MGAT4C: variants seen among roughly 807,000 people sequenced by gnomAD.
MGAT4C encodes the protein alpha-1,3-mannosyl-glycoprotein 4-beta-N-acetylglucosaminyltransferase C.
In MGAT4C, 19 loss-of-function variants were observed where a neutral mutation model predicts 40.1. The ratio of observed to expected loss-of-function variants is 0.47; its 90% CI spans 0.33 to 0.70. The LOEUF (loss-of-function observed/expected upper bound fraction) is 0.70, where lower values mean the gene tolerates loss of function less well. MGAT4C is among the 30% of genes least tolerant of loss of function. The pLI, the probability that MGAT4C is intolerant of heterozygous loss-of-function variation, is 0.02. For synonymous variants in MGAT4C, 181 were observed against 187.1 expected, an observed-to-expected ratio of 0.97 and a Z score of 0.27; for missense variants, 491 against 563.2, an observed-to-expected ratio of 0.87 and a Z score of 1.30.
intron 1 of MGAT4C, among the ~76,000 whole-genome samples, chr12:86,216,715 CTAACCTGAA>C (rs894962822): frequency 6.6e-6 from 1 of 152,132 alleles, no homozygotes; most frequent in Non-Finnish European, 1.5e-5. Flanking sequence ...GTTAGAAAAA[CTAACCTGAA>C]TACTTTTCAA....
chr12:86,589,240 A>C (rs1245122246), intron 2 of MGAT4C, among the ~76,000 whole-genome samples: 3 of 152,102 alleles, frequency 2.0e-5, no homozygotes, highest in Non-Finnish European at 4.4e-5. Flanking sequence ...AATCCCACAG[A>C]AATACAAACT....
At chr12:85,989,760 G>A (rs574439563) in intron 2 of MGAT4C, among the ~76,000 whole-genome samples, 58 of 152,038 alleles carry the variant, frequency 3.8e-4, no homozygotes, top group Non-Finnish European at 4.4e-4. Context: ...TTAATGTAGA[G>A]TAAATAAAAA....
intron 2 of MGAT4C, among the ~76,000 whole-genome samples, chr12:86,678,580 TC>T (rs1244435420): frequency 1.9e-5 from 1 of 52,394 alleles, no homozygotes; most frequent in African/African-American, 7.8e-5. Flanking sequence ...CCCTCCCCCC[TC>T]CCCCCACCAC....
At chr12:86,042,542 A>G (rs1415121523) in intron 2 of MGAT4C, among the ~76,000 whole-genome samples, 2 of 152,128 alleles carry the variant, frequency 1.3e-5, no homozygotes, top group East Asian at 3.9e-4. Flanking sequence ...GTCTGAAAAG[A>G]ATCTTACATG....
chr12:86,625,324 A>C (rs1307083680), intron 2 of MGAT4C, among the ~76,000 whole-genome samples: 1 of 152,188 alleles, frequency 6.6e-6, no homozygotes, highest in African/African-American at 2.4e-5. Flanking sequence ...TTTTTATTGC[A>C]GTGTGACAAT....
intron 2 of MGAT4C, among the ~76,000 whole-genome samples, chr12:86,599,973 T>C (rs1198404269): frequency 2.0e-5 from 3 of 151,986 alleles, no homozygotes; most frequent in African/African-American, 7.3e-5. Flanking sequence ...GGGAAGGATA[T>C]TGAAAATAAA....
chr12:86,538,966 T>G (rs1592965119), intron 2 of MGAT4C, among the ~76,000 whole-genome samples: 1 of 152,072 alleles, frequency 6.6e-6, no homozygotes, highest in Non-Finnish European at 1.5e-5. Context: ...CTACTGCATA[T>G]GCATAATTTA....
At chr12:86,002,790 ATTAC>A (rs1449717292) in intron 2 of MGAT4C, among the ~76,000 whole-genome samples, 4 of 151,468 alleles carry the variant, frequency 2.6e-5, no homozygotes, top group African/African-American at 9.7e-5. Flanking sequence ...GTATTATCAA[ATTAC>A]TTAGTACTTT....
rs984525032 is a variant in MGAT4C at position 86,553,364 on chromosome 12, C to T, written c.-228-118099G>A. 2.0e-5 allele frequency among the ~76,000 whole-genome samples: 3 copies of T among 152,002 alleles called. No individual in the cohort carries two copies. In the South Asian group the frequency reaches 6.2e-4, roughly 31 times the overall value. On this transcript the variant is annotated intron_variant, in intron 2 of 7. Coordinates refer to the MGAT4C transcript ENST00000548651. ...TTAACTTTAAATATTTAAACTCACACCTACTCTAAATTCTAAGCAAAAGAA... is the reference window on the plus strand; with the variant it reads ...TTAACTTTAAATATTTAAACTCACATCTACTCTAAATTCTAAGCAAAAGAA...
chr12:86,248,100 T>C (rs976736116), intron 1 of MGAT4C, among the ~76,000 whole-genome samples: 7 of 152,172 alleles, frequency 4.6e-5, no homozygotes, highest in Non-Finnish European at 1.0e-4. Flanking sequence ...TTCCTAAGGC[T>C]TCTTGATAAC....
At chr12:86,329,205 G>T (rs1156306418) in intron 4 of MGAT4C, among the ~76,000 whole-genome samples, 2 of 151,760 alleles carry the variant, frequency 1.3e-5, no homozygotes, top group South Asian at 4.2e-4. Context: ...ACTTGTTAGA[G>T]TTACATAACC....
intron 1 of MGAT4C, among the ~76,000 whole-genome samples, chr12:86,114,877 G>T (rs944983832): frequency 6.6e-6 from 1 of 151,798 alleles, no homozygotes; most frequent in Non-Finnish European, 1.5e-5. Context: ...TGTGACGTTT[G>T]GTGACAAGAA....
chr12:86,412,972 C>T (rs1217679012), intron 3 of MGAT4C, among the ~76,000 whole-genome samples: 2 of 152,020 alleles, frequency 1.3e-5, no homozygotes, highest in African/African-American at 4.8e-5. Flanking sequence ...TTTGTAGTAC[C>T]TCCCCCTTCA....
At chr12:86,505,639 G>T (rs981100278) in intron 2 of MGAT4C, among the ~76,000 whole-genome samples, 1 of 152,142 alleles carries the variant, frequency 6.6e-6, no homozygotes, top group African/African-American at 2.4e-5. Context: ...TTGTAGCTAA[G>T]GAAGTTATTT....
intron 1 of MGAT4C, among the ~76,000 whole-genome samples, chr12:86,142,924 T>C (rs1003258488): frequency 2.0e-5 from 3 of 152,080 alleles, no homozygotes; most frequent in African/African-American, 7.2e-5. Flanking sequence ...GGGGACCTCA[T>C]TCAAAAGGAT....
intron 3 of MGAT4C, among the ~76,000 whole-genome samples, chr12:86,377,196 A>T (rs1424186330): frequency 2.0e-5 from 3 of 151,686 alleles, no homozygotes; most frequent in East Asian, 3.9e-4. Context: ...AGTAGCTGGG[A>T]TTACAGGCAT....
chr12:86,418,591 A>G (rs1013572803), intron 3 of MGAT4C, among the ~76,000 whole-genome samples: 1 of 43,034 alleles, frequency 2.3e-5, no homozygotes, highest in African/African-American at 1.0e-4. Context: ...ACTCCATCTC[A>G]ATAAATAAAT....
At chr12:86,171,451 T>C (rs920098244) in intron 1 of MGAT4C, among the ~76,000 whole-genome samples, 14 of 152,204 alleles carry the variant, frequency 9.2e-5, no homozygotes, top group Non-Finnish European at 4.4e-5. Context: ...AAGATATCAC[T>C]GAAAATTTGC....
intron 4 of MGAT4C, among the ~76,000 whole-genome samples, chr12:86,288,445 G>A (rs566519545): frequency 1.1e-3 from 168 of 152,210 alleles, no homozygotes; most frequent in African/African-American, 3.8e-3. Flanking sequence ...GAATGGTACT[G>A]CCTAGGTTTT....
Sources: allele counts gnomAD v4.1 joint callset (sites outside exome capture counted in the v4.1 genomes callset), GRCh38; gene constraint gnomAD v4.1.1; transcripts MANE v1.5; gene names NCBI Gene and HGNC (gene_info 2026-07-23, HGNC 2026-07-21).